PA2G4: variants seen among roughly 807,000 people sequenced by gnomAD.
PA2G4 encodes the protein proliferation-associated protein 2G4.
PA2G4 carries 8 observed loss-of-function variants against 53.3 expected under a neutral mutation model. The observed-to-expected ratio is 0.15, with a 90% CI of 0.09 to 0.27. The LOEUF (loss-of-function observed/expected upper bound fraction) is 0.27, where lower values mean the gene tolerates loss of function less well. Among genes scored for constraint, PA2G4 ranks in the 10% least tolerant of loss-of-function variants. The pLI is 1.00. For missense variants in PA2G4, 208 were observed against 486.8 expected (o/e 0.43, Z 5.39); for synonymous variants, 143 against 169.8 (o/e 0.84, Z 1.23).
chr12:56,109,884 A>G lies in PA2G4; in HGVS notation c.578A>G (p.His193Arg). ...EGMLSHQLKQ[H>R]VIDGEKTIIQ... is the part of the protein sequence containing the mutation. Reference sequence around the variant, plus strand: ...ATGCTGTCACACCAGTTGAAGCAGCATGTCATCGATGGAGAAAAAACCATT... The same window carrying G: ...ATGCTGTCACACCAGTTGAAGCAGCGTGTCATCGATGGAGAAAAAACCATT... Residue 193 changes from histidine (H) to arginine (R), a missense_variant, in exon 7 of 13, where the codon CAT becomes CGT. This residue lies in a region of PA2G4 where 143 missense variants were observed against 386.8 expected (regional missense o/e 0.37). Transcript: ENST00000303305. 1.2e-6 allele frequency: 2 copies of G among 1,613,876 alleles called. No individual in the cohort carries two copies. The highest frequency in any genetic ancestry group is 1.7e-6 in the Non-Finnish European group (2 of 1,179,768).
In PA2G4 at chr12:56,111,457, CCTT is replaced by C. The variant is rs148151533; in HGVS notation, c.1066-14_1066-12del. On this transcript the variant is annotated splice_polypyrimidine_tract_variant and intron_variant, in intron 11 of 12. Transcript: ENST00000303305. ...CTCCACATTTCTCAAAATTTTTTTCCCTTCTTCCTGTTTTCCAGGCCCTCCTCC... is the reference window on the plus strand; with the variant it reads ...CTCCACATTTCTCAAAATTTTTTTCCCTTCCTGTTTTCCAGGCCCTCCTCC... The C allele has an allele frequency of 7.1e-4, 1,151 of 1,612,382 alleles. 2 individuals are homozygous for C. The African/African-American group carries it at 0.014, about 19-fold the overall frequency.
intron 5 of PA2G4, 52 bp downstream of exon 5, chr12:56,107,665 G>T: frequency 8.4e-7 from 1 of 1,190,602 alleles, no homozygotes; most frequent in East Asian, 2.3e-5. Flanking sequence ...GATGCATTAG[G>T]CACCTATAGC....
chr12:56,109,547 G>A (rs1284343962), intron 6 of PA2G4, among the ~76,000 whole-genome samples: 1 of 151,516 alleles, frequency 6.6e-6, no homozygotes, highest in Non-Finnish European at 1.5e-5. Flanking sequence ...TTGAACCCGG[G>A]AGGAGGAGGT....
intron 11 of PA2G4, 38 bp from the exon 12 acceptor site, chr12:56,111,438 A>G: frequency 6.2e-7 from 1 of 1,611,060 alleles, no homozygotes; most frequent in Non-Finnish European, 8.5e-7. Flanking sequence ...TTTCCTCCAC[A>G]TTTCTCAAAA....
At position 56,107,613 on chromosome 12, in the gene PA2G4, G is replaced by A. The variant is rs776956814; in HGVS notation, c.486G>A (p.Gln162=). ...AALRLVKPGN[Q]NTQVTEAWNK... ...TACGCCTGGTCAAACCTGGAAATCA[G>A]GTAAGCTATTTTATCCAATTCCAAA... is the stretch of plus-strand genomic sequence containing the variant. Residue 162 remains glutamine, a splice_region_variant and synonymous_variant, in exon 5 of 13, where the codon CAG becomes CAA. Transcript: ENST00000303305. 3 of 1,609,392 alleles carry A rather than the reference G, an allele frequency of 1.9e-6. No homozygotes were observed. The highest frequency in any genetic ancestry group is 2.2e-5 in the South Asian group (2 of 91,002).
chr12:56,111,332 T>C (rs371517323), intron 11 of PA2G4, 23 bp downstream of exon 11: 118 of 1,613,814 alleles, frequency 7.3e-5, no homozygotes, highest in Non-Finnish European at 9.7e-5. Context: ...TAGAAGGTGG[T>C]GAGTATGTAC....
At chr12:56,106,744 T>A in intron 2 of PA2G4, 28 bp downstream of exon 2, 1 of 1,578,680 alleles carries the variant, frequency 6.3e-7, no homozygotes, top group Non-Finnish European at 8.6e-7. Context: ...CTCACTAATT[T>A]TCCGTTTGAC....
intron 12 of PA2G4, 44 bp downstream of exon 12, chr12:56,111,573 T>A (rs748643104): frequency 6.6e-7 from 1 of 1,504,240 alleles, no homozygotes; most frequent in East Asian, 2.3e-5. Context: ...GTGAACCTGA[T>A]CCCTCTTTCT....
In PA2G4 at chr12:56,106,986, A is replaced by T; in HGVS notation, c.218-4A>T. 1 of 1,605,992 alleles carries T rather than the reference A, an allele frequency of 6.2e-7. No individual in the cohort carries two copies. Among genetic ancestry groups the T allele is most frequent in the Non-Finnish European group, 8.5e-7 (1 of 1,173,648 alleles). ...GCAGTAGGCTGATGATTCTTTCTTT[A>T]CAGGTATTGCTTTTCCCACCAGCAT... On this transcript the variant is annotated splice_region_variant and splice_polypyrimidine_tract_variant and intron_variant, in intron 2 of 12. Coordinates refer to ENST00000303305, the MANE Select transcript of PA2G4 (RefSeq NM_006191.3).
At chr12:56,109,317 G>A (rs201107092) in intron 6 of PA2G4, 24 bp downstream of exon 6, 14 of 1,590,252 alleles carry the variant, frequency 8.8e-6, no homozygotes, top group Admixed American at 8.4e-5. Context: ...ACAGGGTTGA[G>A]GGTCTAAGAA....
At chr12:56,109,993 T>G in intron 7 of PA2G4, 58 bp downstream of exon 7, 1 of 1,186,482 alleles carries the variant, frequency 8.4e-7, no homozygotes, top group Non-Finnish European at 1.3e-6. Context: ...TCAGGTTTTT[T>G]TCTATACTCC....
chr12:56,109,162 C>T (rs1869365004), intron 5 of PA2G4, 68 bp from the exon 6 acceptor site: 5 of 887,404 alleles, frequency 5.6e-6, no homozygotes. Context: ...TTTTATGCTT[C>T]TTATTCTCAT....
intron 1 of PA2G4, chr12:56,105,113 C>A (rs1344836327): frequency 1.5e-6 from 1 of 663,374 alleles, no homozygotes; most frequent in East Asian, 3.0e-5. Context: ...GACGTGTTTT[C>A]TCTTGTTCCT....
chr12:56,104,694 C>T lies in PA2G4; in HGVS notation c.-44C>T, dbSNP rs767169733. The T allele has an allele frequency of 2.6e-6, 4 of 1,536,352 alleles. No individual in the cohort carries two copies. Among genetic ancestry groups the T allele is most frequent in the East Asian group, 4.5e-5 (2 of 44,570 alleles). Reference sequence around the variant, plus strand: ...TGGCTGGGAAGGGAGACAGAGGCGGCGGCGGCTCAGGGGAAACGAGGCTGC... The same window carrying T: ...TGGCTGGGAAGGGAGACAGAGGCGGTGGCGGCTCAGGGGAAACGAGGCTGC... On this transcript the variant is annotated 5_prime_UTR_variant, in exon 1 of 13. Coordinates refer to ENST00000303305, the MANE Select transcript of PA2G4 (RefSeq NM_006191.3).
chr12:56,109,607 C>T (rs1261837450), intron 6 of PA2G4, among the ~76,000 whole-genome samples: 2 of 138,828 alleles, frequency 1.4e-5, no homozygotes, highest in Non-Finnish European at 3.0e-5. Flanking sequence ...GCAATAAGAG[C>T]GAAACTCCAT....
chr12:56,108,140 T>C (rs968892004), intron 5 of PA2G4, among the ~76,000 whole-genome samples: 10 of 152,226 alleles, frequency 6.6e-5, no homozygotes, highest in Non-Finnish European at 1.2e-4. Context: ...GGCACATGCC[T>C]GTAATCCCAG....
In PA2G4 at chr12:56,109,782, C is replaced by T; in HGVS notation, c.551-75C>T. ...TTGTCTCACTGCCTACCACTTCAAA[C>T]TACTGAAGTGGGTGGATTTGGAAAC... On this transcript the variant is annotated intron_variant, in intron 6 of 12. Coordinates refer to ENST00000303305, the MANE Select transcript of PA2G4 (RefSeq NM_006191.3). 6 of 1,021,726 alleles carry T rather than the reference C, an allele frequency of 5.9e-6. No individual in the cohort carries two copies. In the South Asian group the frequency reaches 6.4e-5, roughly 11 times the overall value. 63.3% of individuals were successfully genotyped at this position (1,021,726 alleles called of 1,614,324 possible). A position where few individuals can be genotyped will look rare whatever the true frequency, so the allele number is the denominator to read the frequency against.
chr12:56,112,068 C>A (rs749577764), intron 12 of PA2G4, among the ~76,000 whole-genome samples: 44 of 152,088 alleles, frequency 2.9e-4, no homozygotes, highest in Non-Finnish European at 2.9e-5. Flanking sequence ...GGGCCGAGAT[C>A]GCACCATTGC....
chr12:56,108,833 G>C (rs1297622695), intron 5 of PA2G4, among the ~76,000 whole-genome samples: 1 of 152,088 alleles, frequency 6.6e-6, no homozygotes, highest in Non-Finnish European at 1.5e-5. Flanking sequence ...GAGGATATTA[G>C]AACGCTCAGT....
Sources: gnomAD v4.1 joint callset for allele counts (sites outside exome capture counted in the v4.1 genomes callset) on GRCh38, gnomAD v4.1.1 for gene constraint, gnomAD v4.1.1 regional missense constraint, MANE v1.5 for transcripts, NCBI Gene and HGNC (gene_info 2026-07-23, HGNC 2026-07-21) for gene names.